Variants in NFATC1 observed in about 807,000 individuals in gnomAD.
The protein encoded by NFATC1 is nuclear factor of activated T cells 1.
A neutral mutation model predicts 76.0 loss-of-function variants in NFATC1; 22 were observed. The ratio of observed to expected loss-of-function variants is 0.29; its 90% CI spans 0.21 to 0.41. NFATC1 has a LOEUF of 0.41. Among genes scored for constraint, NFATC1 ranks in the 10% least tolerant of loss-of-function variants. The pLI is 1.00. For missense variants in NFATC1, 1,357 were observed against 1,337.7 expected, an observed-to-expected ratio of 1.01 and a Z score of -0.23; for synonymous variants, 704 against 613.1, an observed-to-expected ratio of 1.15 and a Z score of -2.19.
At chr18:79,480,737 G>A (rs2089243888) in intron 8 of NFATC1, among the ~76,000 whole-genome samples, 1 of 152,210 alleles carries the variant, frequency 6.6e-6, no homozygotes, top group Admixed American at 6.5e-5. Context: ...CCGTGGGGCG[G>A]CTGATTTACA....
At chr18:79,420,089 G>A (rs1318916420) in intron 2 of NFATC1, among the ~76,000 whole-genome samples, 1 of 152,244 alleles carries the variant, frequency 6.6e-6, no homozygotes, top group Non-Finnish European at 1.5e-5. Flanking sequence ...TTTCCCATGT[G>A]AGACCATGTG....
chr18:79,416,643 G>A (rs111767101), intron 2 of NFATC1, among the ~76,000 whole-genome samples: 128 of 152,358 alleles, frequency 8.4e-4, no homozygotes, highest in African/African-American at 2.9e-3. Flanking sequence ...AGCCGAGGGT[G>A]TCGAGTTGCC....
rs538024272 is a variant in NFATC1 at position 79,443,170 on chromosome 18, G to A, written c.1387-5612G>A. ...CAGTTTTATCTGTGGATCTGAACAC[G>A]ATCTATGAATCACTAGGAAAGCAAC... On this transcript the variant is annotated intron_variant, in intron 3 of 9. Transcript: ENST00000427363. Among the ~76,000 whole-genome samples the A allele has an allele frequency of 6.6e-5, 10 of 152,286 alleles. No homozygotes were observed. The South Asian group carries it at 1.5e-3, about 22-fold the overall frequency.
chr18:79,454,887 T>C lies in NFATC1; in HGVS notation c.1903+3071T>C, dbSNP rs370385067. ...TCTCCCACCCACACCCCTCCCCACC[T>C]TCACACCTGCACCCCTCCCGCCTGT... On this transcript the variant is annotated intron_variant, in intron 6 of 9. Coordinates refer to ENST00000427363, the MANE Select transcript of NFATC1 (RefSeq NM_001278669.2). Among the ~76,000 whole-genome samples the C allele has an allele frequency of 2.1e-4, 30 of 142,290 alleles. 1 individual carries two copies. The highest frequency in any genetic ancestry group is 6.6e-4 in the African/African-American group (26 of 39,586). 93.3% of individuals were successfully genotyped at this position (142,290 alleles called of 152,430 possible).
At position 79,477,167 on chromosome 18, in the gene NFATC1, A is replaced by T. The variant is rs144305327; in HGVS notation, c.2093-9081A>T. On this transcript the variant is annotated intron_variant, in intron 8 of 9. Transcript: ENST00000427363. Reference sequence around the variant, plus strand: ...GCTGTTTTCTTTCATTGTTTGAGAAAAGTCATGCCCCGGAGGTGTCATTCC... The same window carrying T: ...GCTGTTTTCTTTCATTGTTTGAGAATAGTCATGCCCCGGAGGTGTCATTCC... 1.8e-4 allele frequency among the ~76,000 whole-genome samples: 27 copies of T among 152,334 alleles called. No homozygotes were observed. The East Asian group carries it at 4.8e-3, about 27-fold the overall frequency.
chr18:79,479,305 A>C (rs1487471414), intron 8 of NFATC1, among the ~76,000 whole-genome samples: 1 of 152,212 alleles, frequency 6.6e-6, no homozygotes. Context: ...AGCCCGGAAC[A>C]CGGGCAACAG....
At chr18:79,460,666 C>T (rs2088018433) in intron 6 of NFATC1, among the ~76,000 whole-genome samples, 1 of 152,228 alleles carries the variant, frequency 6.6e-6, no homozygotes, top group Non-Finnish European at 1.5e-5. Context: ...CAGAGGAAGG[C>T]TCTTCTCATT....
At chr18:79,464,818 G>A (rs931242404) in intron 7 of NFATC1, among the ~76,000 whole-genome samples, 11 of 150,084 alleles carry the variant, frequency 7.3e-5, no homozygotes, top group Admixed American at 1.3e-4. Flanking sequence ...CAGTTCTCAT[G>A]CCTCAGCCTC....
Position 79,451,788 on chromosome 18 carries a change from C to T in NFATC1, c.1875C>T (p.Ser625=), listed in dbSNP as rs2087484337. ...CTGGCCACAACTTCCTGCAGGACTC[C>T]AAGGTCATTTTCGTGGAGAAAGCCC... ...VLSGHNFLQD[S]KVIFVEKAPD... The change falls in exon 6 of 10, where the codon TCC becomes TCT. Residue 625 remains serine, a synonymous_variant. Transcript: ENST00000427363. 6.2e-7 allele frequency: 1 copy of T among 1,611,962 alleles called. No homozygotes were observed. The highest frequency in any genetic ancestry group is 1.3e-5 in the African/African-American group (1 of 74,834).
chr18:79,400,448 G>T (rs1422179608), intron 1 of NFATC1: 2 of 1,491,044 alleles, frequency 1.3e-6, no homozygotes, highest in Non-Finnish European at 1.8e-6. Context: ...AGTTTAACCA[G>T]CGCGACGAGG....
chr18:79,404,340 T>C (rs2085363186), intron 1 of NFATC1, among the ~76,000 whole-genome samples: 1 of 152,196 alleles, frequency 6.6e-6, no homozygotes, highest in South Asian at 2.1e-4. Context: ...TGGCAGATTG[T>C]TGGGGGAACG....
chr18:79,483,189 AG>A (rs2089360357), intron 8 of NFATC1, among the ~76,000 whole-genome samples: 1 of 88,324 alleles, frequency 1.1e-5, no homozygotes, highest in South Asian at 4.4e-4. Context: ...GTGTAATTCC[AG>A]CGTGACCTGG....
intron 2 of NFATC1, among the ~76,000 whole-genome samples, chr18:79,414,313 G>A (rs966563996): frequency 7.2e-5 from 11 of 152,158 alleles, no homozygotes; most frequent in African/African-American, 1.7e-4. Context: ...GAGAATGCAC[G>A]ACATGCCCAT....
intron 3 of NFATC1, among the ~76,000 whole-genome samples, chr18:79,446,980 A>T (rs890987565): frequency 6.6e-6 from 1 of 152,212 alleles, no homozygotes; most frequent in African/African-American, 2.4e-5. Context: ...GCGGCGTCCC[A>T]GTCCCTGCCC....
At chr18:79,433,882 C>T (rs964101495) in intron 3 of NFATC1, 144 bp downstream of exon 3, 17 of 914,862 alleles carry the variant, frequency 1.9e-5, no homozygotes, top group Admixed American at 6.4e-5. Context: ...GGCTGCTCAC[C>T]GCCTCTGAGC....
intron 8 of NFATC1, among the ~76,000 whole-genome samples, chr18:79,473,030 G>C (rs1349161293): frequency 6.6e-6 from 1 of 152,246 alleles, no homozygotes; most frequent in Non-Finnish European, 1.5e-5. Context: ...GCTTGTGGGG[G>C]TCAAGCCGGG....
intron 9 of NFATC1, among the ~76,000 whole-genome samples, chr18:79,505,617 G>C (rs1195251655): frequency 2.1e-5 from 3 of 144,272 alleles, no homozygotes; most frequent in Non-Finnish European, 4.5e-5. Flanking sequence ...GAAGAGGCAG[G>C]AGACTGCTGC....
At chr18:79,458,633 GTTTCC>G (rs1399801197) in intron 6 of NFATC1, among the ~76,000 whole-genome samples, 1 of 152,246 alleles carries the variant, frequency 6.6e-6, no homozygotes, top group Non-Finnish European at 1.5e-5. Flanking sequence ...CACTCGGGCA[GTTTCC>G]TACTAAGGAC....
At chr18:79,432,743 GC>G (rs924864902) in intron 2 of NFATC1, among the ~76,000 whole-genome samples, 44 of 152,318 alleles carry the variant, frequency 2.9e-4, no homozygotes, top group African/African-American at 1.1e-3. Context: ...GCACCGTGTG[GC>G]CCCCAGGAGT....
Sources: gnomAD v4.1 joint callset for allele counts (sites outside exome capture counted in the v4.1 genomes callset) on GRCh38, gnomAD v4.1.1 for gene constraint, MANE v1.5 for transcripts, NCBI Gene and HGNC (gene_info 2026-07-23, HGNC 2026-07-21) for gene names.